Variants in NSD1 observed in about 807,000 individuals in gnomAD.
NSD1 encodes the protein histone-lysine N-methyltransferase, H3 lysine-36 specific.
A neutral mutation model predicts 242.7 loss-of-function variants in NSD1; 26 were observed. That is an observed-to-expected ratio of 0.11 (90% CI 0.08 to 0.15). The LOEUF is 0.15. Ranked by LOEUF, NSD1 falls within the 10% of genes least tolerant of loss-of-function variation. The probability of loss-of-function intolerance (pLI) is 1.00; values close to 1 mark genes in which losing one functional copy is unlikely to be tolerated. For synonymous variants in NSD1, 1,106 were observed against 1,178.1 expected (o/e 0.94, Z 1.25); for missense variants, 2,495 against 3,272.8 (o/e 0.76, Z 5.80).
intron 20 of NSD1, among the ~76,000 whole-genome samples, chr5:177,285,012 C>G (rs1292125251): frequency 6.6e-6 from 1 of 152,200 alleles, no homozygotes; most frequent in Non-Finnish European, 1.5e-5. Flanking sequence ...GGAGAATTCA[C>G]TGCTCTGTCA....
At chr5:177,243,916 C>T (rs1429746661) in intron 8 of NSD1, among the ~76,000 whole-genome samples, 1 of 152,040 alleles carries the variant, frequency 6.6e-6, no homozygotes, top group Non-Finnish European at 1.5e-5. Context: ...TGGTCTTTAA[C>T]TCTCAACCTC....
chr5:177,214,693 A>G (rs1197193678), intron 5 of NSD1, among the ~76,000 whole-genome samples: 2 of 141,038 alleles, frequency 1.4e-5, no homozygotes, highest in African/African-American at 5.3e-5. Flanking sequence ...TTTGAGACAG[A>G]GTCTTACTGT....
At chr5:177,156,135 A>G (rs1484068446) in intron 2 of NSD1, among the ~76,000 whole-genome samples, 4 of 151,512 alleles carry the variant, frequency 2.6e-5, no homozygotes, top group Non-Finnish European at 4.4e-5. Context: ...GGGACCAATA[A>G]ATATTTATTC....
At chr5:177,261,551 G>A (rs7445955) in intron 14 of NSD1, among the ~76,000 whole-genome samples, 47 of 151,942 alleles carry the variant, frequency 3.1e-4, no homozygotes, top group Non-Finnish European at 5.9e-4. Flanking sequence ...TTCTGAATTC[G>A]TTATTTCAGT....
At chr5:177,266,458 T>C in intron 14 of NSD1, 1 of 614,314 alleles carries the variant, frequency 1.6e-6, no homozygotes, top group South Asian at 1.6e-5. Context: ...AAACATGGAG[T>C]TGCCGAAGTG....
chr5:177,232,592 T>C (rs902589565), intron 5 of NSD1, among the ~76,000 whole-genome samples: 21 of 152,194 alleles, frequency 1.4e-4, no homozygotes. Context: ...GATTTTCCCA[T>C]GCAATTATAC....
In NSD1 at chr5:177,294,339, G is replaced by A. The variant is rs2127280559; in HGVS notation, c.6971G>A (p.Gly2324Glu). The A allele has an allele frequency of 6.2e-7, 1 of 1,614,190 alleles. No individual in the cohort carries two copies. Among genetic ancestry groups the A allele is most frequent in the East Asian group, 2.2e-5 (1 of 44,882 alleles). ...RPLDRPPAVA[G>E]PRPQLSDKPS... ...CTGGACAGGCCACCAGCAGTGGCAG[G>A]ACCAAGACCCCAGCTAAGCGACAAA... Residue 2324 changes from glycine to glutamate, a missense_variant, in exon 23 of 23, where the codon GGA (glycine) becomes GAA (glutamate). Physicochemically the swap from Gly to Glu is moderately conservative, Grantham distance 98 (BLOSUM62 -2). Coordinates refer to ENST00000439151, the MANE Select transcript of NSD1 (RefSeq NM_022455.5).
At position 177,145,536 on chromosome 5, in the gene NSD1, G is replaced by A. The variant is rs574691356; in HGVS notation, c.927+9506G>A. On this transcript the variant is annotated intron_variant, in intron 2 of 22. Coordinates refer to ENST00000439151, the MANE Select transcript of NSD1 (RefSeq NM_022455.5). Reference sequence around the variant, plus strand: ...TGGCTTCAGGCAATTCTCCTACTCTGCATGAGCCACCTCAGCCGCGAATAT... The same window carrying A: ...TGGCTTCAGGCAATTCTCCTACTCTACATGAGCCACCTCAGCCGCGAATAT... Among the ~76,000 whole-genome samples, 6 of 152,250 alleles carry A rather than the reference G, an allele frequency of 3.9e-5. No individual in the cohort carries two copies. The South Asian group carries it at 1.2e-3, about 32-fold the overall frequency.
intron 20 of NSD1, among the ~76,000 whole-genome samples, chr5:177,287,365 G>T (rs1759417615): frequency 6.6e-6 from 1 of 152,250 alleles, no homozygotes; most frequent in South Asian, 2.1e-4. Flanking sequence ...GTGGGGCTGG[G>T]CGCAGTGGCT....
At chr5:177,187,085 A>G (rs1761293269) in intron 2 of NSD1, among the ~76,000 whole-genome samples, 1 of 148,798 alleles carries the variant, frequency 6.7e-6, no homozygotes, top group Non-Finnish European at 1.5e-5. Flanking sequence ...TCTAATCGTT[A>G]CAATTGTGAC....
intron 2 of NSD1, among the ~76,000 whole-genome samples, chr5:177,175,472 T>A (rs867214940): frequency 7.9e-5 from 12 of 151,472 alleles, no homozygotes; most frequent in Middle Eastern, 3.4e-3. Flanking sequence ...AAAAAAAAAA[T>A]TTTAAATTTA....
At chr5:177,160,652 T>C (rs1056557802) in intron 2 of NSD1, among the ~76,000 whole-genome samples, 4 of 152,116 alleles carry the variant, frequency 2.6e-5, no homozygotes, top group African/African-American at 9.7e-5. Context: ...TCAAGGACTT[T>C]TTTTGGTAAT....
intron 2 of NSD1, among the ~76,000 whole-genome samples, chr5:177,181,445 TGGCAGGTTCTCACC>T (rs1760677477): frequency 4.1e-5 from 6 of 147,502 alleles, no homozygotes; most frequent in Admixed American, 1.3e-4. Flanking sequence ...TTTTTTTTTT[TGGCAGGTTCTCACC>T]TTGTCACCCA....
intron 5 of NSD1, among the ~76,000 whole-genome samples, chr5:177,215,644 A>G (rs1198150259): frequency 6.6e-6 from 1 of 151,408 alleles, no homozygotes; most frequent in East Asian, 1.9e-4. Flanking sequence ...GGCTCAAGCA[A>G]TTCTTGTGCC....
intron 2 of NSD1, among the ~76,000 whole-genome samples, chr5:177,169,031 A>G (rs540831858): frequency 6.6e-6 from 1 of 152,328 alleles, no homozygotes; most frequent in Admixed American, 6.5e-5. Context: ...TTAGTTGACC[A>G]ATGCCGGCTG....
chr5:177,231,412 G>A (rs560074221), intron 5 of NSD1, among the ~76,000 whole-genome samples: 2 of 152,114 alleles, frequency 1.3e-5, no homozygotes, highest in South Asian at 2.1e-4. Context: ...GAAGAAAAAT[G>A]TATACTTTAA....
At chr5:177,214,631 C>T (rs1466199573) in intron 5 of NSD1, among the ~76,000 whole-genome samples, 1 of 149,404 alleles carries the variant, frequency 6.7e-6, no homozygotes, top group Non-Finnish European at 1.5e-5. Flanking sequence ...ATAATGTTTT[C>T]AAGGTTCATC....
chr5:177,204,356 C>A, intron 4 of NSD1, 64 bp downstream of exon 4: 1 of 1,454,378 alleles, frequency 6.9e-7, no homozygotes, highest in Non-Finnish European at 9.6e-7. Context: ...AAGAAAATGG[C>A]CTCTTATTTA....
At chr5:177,280,917 C>T in intron 18 of NSD1, 83 bp downstream of exon 18, 1 of 1,433,640 alleles carries the variant, frequency 7.0e-7, no homozygotes, top group Non-Finnish European at 9.7e-7. Context: ...GAAAATTCAT[C>T]ATAGAAGAAA....
Sources: allele counts gnomAD v4.1 joint callset (sites outside exome capture counted in the v4.1 genomes callset), GRCh38; gene constraint gnomAD v4.1.1; transcripts MANE v1.5; gene names NCBI Gene and HGNC (gene_info 2026-07-23, HGNC 2026-07-21).